ADGRE2: variants seen among roughly 807,000 people sequenced by gnomAD.
The protein encoded by ADGRE2 is CD97 antigen.
In ADGRE2, 83 loss-of-function variants were observed where a neutral mutation model predicts 100.8. That is an observed-to-expected ratio of 0.82 (90% CI 0.69 to 0.99). ADGRE2 has a LOEUF of 0.99. Ranked by LOEUF, ADGRE2 falls within the 50% of genes least tolerant of loss-of-function variation. ADGRE2 has a pLI of 0.00. For synonymous variants in ADGRE2, 355 were observed against 413.0 expected, an observed-to-expected ratio of 0.86 and a Z score of 1.70; for missense variants, 814 against 1,035.7, an observed-to-expected ratio of 0.79 and a Z score of 2.94.
At position 14,751,525 on chromosome 19, in the gene ADGRE2, C is replaced by T. The variant is rs1409503774; in HGVS notation, c.1935G>A (p.Lys645=). 1.2e-6 allele frequency: 2 copies of T among 1,614,012 alleles called. No homozygotes were observed. The highest frequency in any genetic ancestry group is 1.7e-6 in the Non-Finnish European group (2 of 1,180,026). The change falls in exon 16 of 21, where the codon AAG becomes AAA. Residue 645 remains lysine (K), a synonymous_variant. Coordinates refer to ENST00000315576, the MANE Select transcript of ADGRE2 (RefSeq NM_013447.4). ...CTCCGTAGCCCACAGGGAACATGAG[C>T]TTCTTCATGAATCTGTTGATGCTTG... ...NYSSINRFMK[K]LMFPVGYGVP...
At chr19:14,769,370 G>C (rs890210563) in intron 5 of ADGRE2, among the ~76,000 whole-genome samples, 3 of 152,200 alleles carry the variant, frequency 2.0e-5, no homozygotes, top group Non-Finnish European at 4.4e-5. Flanking sequence ...TGTTTGGGAC[G>C]GCCCTGTGAT....
At chr19:14,740,048 C>T (rs1423830240) in intron 20 of ADGRE2, among the ~76,000 whole-genome samples, 2 of 151,550 alleles carry the variant, frequency 1.3e-5, no homozygotes, top group Non-Finnish European at 2.9e-5. Context: ...TTGCAGTGAG[C>T]CCAGATGGTG....
chr19:14,729,763 G>A (rs2524366), downstream of ADGRE2, among the ~76,000 whole-genome samples: 19,993 of 152,184 alleles, frequency 0.13, 1,481 homozygotes, highest in Non-Finnish European at 0.17. Context: ...GAGAGTGGAT[G>A]TAAATTGTTC....
chr19:14,751,183 C>T (rs368742395), intron 16 of ADGRE2, among the ~76,000 whole-genome samples: 35 of 152,254 alleles, frequency 2.3e-4, no homozygotes, highest in African/African-American at 8.2e-4. Context: ...TTGTCCTATT[C>T]GTGCTTTCCA....
At chr19:14,740,088 G>A (rs569591144) in intron 20 of ADGRE2, among the ~76,000 whole-genome samples, 5 of 146,000 alleles carry the variant, frequency 3.4e-5, no homozygotes, top group South Asian at 2.2e-4. Flanking sequence ...GTGACAGAGC[G>A]AGTGAGACTC....
intron 6 of ADGRE2, 87 bp from the exon 7 acceptor site, chr19:14,766,468 A>T (rs923800216): frequency 3.5e-6 from 5 of 1,432,262 alleles, no homozygotes; most frequent in Admixed American, 4.5e-5. Flanking sequence ...CTATCTTTTC[A>T]TTGCCTCAGA....
chr19:14,740,553 G>A (rs377177240), intron 20 of ADGRE2, among the ~76,000 whole-genome samples: 1 of 150,836 alleles, frequency 6.6e-6, no homozygotes, highest in African/African-American at 2.4e-5. Context: ...CCCAGGAGGC[G>A]GAGGTTGCGG....
At position 14,776,700 on chromosome 19, in the gene ADGRE2, C is replaced by T. The variant is rs910352139; in HGVS notation, c.31+26G>A. 53 of 1,608,806 alleles carry T rather than the reference C, an allele frequency of 3.3e-5. No homozygotes were observed. The East Asian group carries it at 6.5e-4, about 20-fold the overall frequency. ...CCCGCTGGAGCTTCCTCGCTACCAC[C>T]CCCAGCGGGGCCCCAAAGTACTTAC... On this transcript the variant is annotated intron_variant, in intron 2 of 20. Coordinates refer to ENST00000315576, the MANE Select transcript of ADGRE2 (RefSeq NM_013447.4).
chr19:14,724,595 A>G, the ADGRE2 span, among the ~76,000 whole-genome samples: 1 of 152,148 alleles, frequency 6.6e-6, no homozygotes, highest in Non-Finnish European at 1.5e-5. Context: ...GTGAAGCTCC[A>G]TCTCTACTAA....
chr19:14,749,763 A>G (rs2732806), intron 16 of ADGRE2, among the ~76,000 whole-genome samples: 615 of 35,274 alleles, frequency 0.017, 201 homozygotes, highest in Non-Finnish European at 0.023. Context: ...ATTTATAGCT[A>G]TGTTATGTAA....
At chr19:14,768,237 A>T (rs1449237994) in intron 5 of ADGRE2, among the ~76,000 whole-genome samples, 1 of 152,130 alleles carries the variant, frequency 6.6e-6, no homozygotes. Context: ...TCCCCAGGGG[A>T]GCATGAGTCT....
chr19:14,763,366 A>G (rs964442407), intron 11 of ADGRE2, among the ~76,000 whole-genome samples: 1 of 151,850 alleles, frequency 6.6e-6, no homozygotes, highest in Non-Finnish European at 1.5e-5. Flanking sequence ...AAAACAAAAC[A>G]AAACAAACAA....
At chr19:14,745,438 T>G (rs776879725) in intron 18 of ADGRE2, among the ~76,000 whole-genome samples, 1 of 152,098 alleles carries the variant, frequency 6.6e-6, no homozygotes, top group Non-Finnish European at 1.5e-5. Flanking sequence ...TCTAGCTATT[T>G]TGAAATATAC....
At chr19:14,766,442 C>G in intron 6 of ADGRE2, 61 bp from the exon 7 acceptor site, 1 of 1,483,230 alleles carries the variant, frequency 6.7e-7, no homozygotes, top group Non-Finnish European at 9.1e-7. Flanking sequence ...GCCCTCCACT[C>G]ACTGCACCCA....
In ADGRE2 at chr19:14,746,217, C is replaced by G. The variant is rs1377501311; in HGVS notation, c.2183+15G>C. On this transcript the variant is annotated intron_variant, in intron 18 of 20. Coordinates refer to ENST00000315576, the MANE Select transcript of ADGRE2 (RefSeq NM_013447.4). ...ATACATGTCTGTGTGGTTATCACCC[C>G]CTTCTCCATCTTACCTTGTGTTCCG... 1 of 1,481,568 alleles carries G rather than the reference C, an allele frequency of 6.7e-7. No homozygotes were observed. 91.8% of individuals were successfully genotyped at this position (1,481,568 alleles called of 1,614,324 possible). A position where few individuals can be genotyped will look rare whatever the true frequency, so the allele number is the denominator to read the frequency against.
chr19:14,778,404 G>A lies in ADGRE2; in HGVS notation c.-319C>T, dbSNP rs947912433. 5 of 673,758 alleles carry A rather than the reference G, an allele frequency of 7.4e-6. No homozygotes were observed. Among genetic ancestry groups the A allele is most frequent in the Non-Finnish European group, 9.2e-6 (5 of 545,274 alleles). 41.7% of individuals were successfully genotyped at this position (673,758 alleles called of 1,614,324 possible). On this transcript the variant is annotated 5_prime_UTR_variant, in exon 1 of 21. Transcript: ENST00000315576. ...AGCTTGGGTGATAGAGTGAGACCCT[G>A]TGTCAAAAACAAAAAGAAAGAAAGA...
chr19:14,729,124 T>C (rs2732800), downstream of ADGRE2, among the ~76,000 whole-genome samples: 56,054 of 151,892 alleles, frequency 0.37, 10,946 homozygotes, highest in Middle Eastern at 0.5. Flanking sequence ...AGGCTGTTTA[T>C]AGTAACTTGG....
Position 14,752,626 on chromosome 19 carries a change from G to T in ADGRE2, c.1591-100C>A, listed in dbSNP as rs531928277. 17 of 1,379,212 alleles carry T rather than the reference G, an allele frequency of 1.2e-5. No individual in the cohort carries two copies. The Admixed American group carries it at 3.7e-4, about 30-fold the overall frequency. 85.4% of individuals were successfully genotyped at this position (1,379,212 alleles called of 1,614,324 possible). ...TTTTACTTTGGCATAGCACATTCAAGAATGAGGGAGCCAGGTAAATTTGTG... is the reference window on the plus strand; with the variant it reads ...TTTTACTTTGGCATAGCACATTCAATAATGAGGGAGCCAGGTAAATTTGTG... On this transcript the variant is annotated intron_variant, in intron 14 of 20. Coordinates refer to ENST00000315576, the MANE Select transcript of ADGRE2 (RefSeq NM_013447.4).
chr19:14,775,860 G>GAA lies in ADGRE2; in HGVS notation c.31+864_31+865dup, dbSNP rs3057586. Among the ~76,000 whole-genome samples the GAA allele has an allele frequency of 4.2e-3, 455 of 107,886 alleles. 10 individuals carry two copies. Among genetic ancestry groups the GAA allele is most frequent in the Middle Eastern group, 0.027 (5 of 182 alleles). 70.8% of individuals were successfully genotyped at this position (107,886 alleles called of 152,430 possible). ...GGCGACAGAGCAAGGCTCCGCCTCA[G>GAA]AAAAAAAAAAAAAAAAATGATGGCG... On this transcript the variant is annotated intron_variant, in intron 2 of 20. Coordinates refer to ENST00000315576, the MANE Select transcript of ADGRE2 (RefSeq NM_013447.4).
Sources: gnomAD v4.1 joint callset for allele counts (sites outside exome capture counted in the v4.1 genomes callset) on GRCh38, gnomAD v4.1.1 for gene constraint, MANE v1.5 for transcripts, NCBI Gene and HGNC (gene_info 2026-07-23, HGNC 2026-07-21) for gene names.